The following MYO5A variants were observed in gnomAD, a reference collection of about 807,000 sequenced individuals.
MYO5A encodes the protein unconventional myosin-Va.
In MYO5A, 98 loss-of-function variants were observed where a neutral mutation model predicts 249.7. The observed-to-expected ratio is 0.39, with a 90% CI of 0.33 to 0.46. The LOEUF (loss-of-function observed/expected upper bound fraction) is 0.46, where lower values mean the gene tolerates loss of function less well. Among genes scored for constraint, MYO5A ranks in the 20% least tolerant of loss-of-function variants. The pLI is 0.98. For missense variants in MYO5A, 1,696 were observed against 2,308.8 expected, an observed-to-expected ratio of 0.73 and a Z score of 5.44; for synonymous variants, 778 against 810.6, an observed-to-expected ratio of 0.96 and a Z score of 0.68.
chr15:52,320,582 T>G (rs1047528646), intron 38 of MYO5A, among the ~76,000 whole-genome samples: 33 of 152,290 alleles, frequency 2.2e-4, no homozygotes, highest in African/African-American at 7.9e-4. Flanking sequence ...CAGCTTTTGA[T>G]GTCTCAAATA....
chr15:52,432,422 T>C (rs1265826164), intron 2 of MYO5A, among the ~76,000 whole-genome samples: 1 of 152,240 alleles, frequency 6.6e-6, no homozygotes, highest in Non-Finnish European at 1.5e-5. Context: ...CAACTGGTCA[T>C]GGCCAGCAAT....
intron 1 of MYO5A, chr15:52,435,601 T>C (rs1215373084): frequency 2.2e-6 from 1 of 452,996 alleles, no homozygotes; most frequent in Non-Finnish European, 4.4e-6. Flanking sequence ...TACTGACAAA[T>C]ATTTTCAAGC....
rs1189887273 is a variant in MYO5A at position 52,402,727 on chromosome 15, C to A, written c.1053+2560G>T. 2.6e-5 allele frequency among the ~76,000 whole-genome samples: 4 copies of A among 152,244 alleles called. No homozygotes were observed. The East Asian group carries it at 7.7e-4, about 29-fold the overall frequency. ...AGACACAGTGGCACACACCTGTAATCCCAGCTACTCGGGAGGCTGAGGCTG... is the reference window on the plus strand; with the variant it reads ...AGACACAGTGGCACACACCTGTAATACCAGCTACTCGGGAGGCTGAGGCTG... On this transcript the variant is annotated intron_variant, in intron 9 of 41. Coordinates refer to ENST00000399233, the MANE Select transcript of MYO5A (RefSeq NM_001382347.1).
At chr15:52,377,499 G>A (rs1263199776) in intron 18 of MYO5A, among the ~76,000 whole-genome samples, 1 of 151,136 alleles carries the variant, frequency 6.6e-6, no homozygotes, top group Non-Finnish European at 1.5e-5. Flanking sequence ...TTATCTAGAA[G>A]TATGCAAATC....
intron 10 of MYO5A, 74 bp from the exon 11 acceptor site, chr15:52,396,471 C>T: frequency 1.2e-6 from 1 of 839,886 alleles, no homozygotes; most frequent in Non-Finnish European, 1.9e-6. Flanking sequence ...AAAATATACA[C>T]ATTAGGAAGA....
chr15:52,352,601 G>GA (rs1172998772), intron 27 of MYO5A, among the ~76,000 whole-genome samples: 2 of 152,038 alleles, frequency 1.3e-5, no homozygotes. Flanking sequence ...CTAACATGGT[G>GA]AAACCCCGTC....
At chr15:52,405,043 T>C (rs1254515813) in intron 9 of MYO5A, among the ~76,000 whole-genome samples, 1 of 96,452 alleles carries the variant, frequency 1.0e-5, no homozygotes, top group Non-Finnish European at 2.2e-5. Context: ...TCTTTCTCTC[T>C]CTCTCTGTCA....
intron 20 of MYO5A, among the ~76,000 whole-genome samples, chr15:52,372,750 C>T (rs1217316019): frequency 1.3e-5 from 2 of 152,098 alleles, no homozygotes; most frequent in African/African-American, 4.8e-5. Context: ...TTTCTGTTGG[C>T]AACAGATGAT....
At chr15:52,319,862 C>T (rs1221615040) in intron 38 of MYO5A, among the ~76,000 whole-genome samples, 2 of 152,326 alleles carry the variant, frequency 1.3e-5, no homozygotes, top group East Asian at 3.9e-4. Flanking sequence ...TCTAAGTAAA[C>T]TTAATGGTGT....
Position 52,313,661 on chromosome 15 carries a change from G to T in MYO5A, c.*35C>A. 1 of 1,612,594 alleles carries T rather than the reference G, an allele frequency of 6.2e-7. No individual in the cohort carries two copies. The highest frequency in any genetic ancestry group is 1.1e-5 in the South Asian group (1 of 91,006). On this transcript the variant is annotated 3_prime_UTR_variant, in exon 42 of 42. Transcript: ENST00000399233. ...AATAATGGGTTCTTATTTCGGGCAA[G>T]AAATGTATTGTCAATTTTTGCCTGG... is the stretch of plus-strand genomic sequence containing the variant.
At chr15:52,323,898 G>T (rs1332009707) in intron 36 of MYO5A, 1 of 211,202 alleles carries the variant, frequency 4.7e-6, no homozygotes, top group Non-Finnish European at 9.5e-6. Context: ...CAGCAACTTG[G>T]GATGCTGAGG....
At chr15:52,348,091 C>T (rs550026349) in intron 29 of MYO5A, among the ~76,000 whole-genome samples, 19 of 152,318 alleles carry the variant, frequency 1.2e-4, no homozygotes, top group African/African-American at 3.8e-4. Flanking sequence ...ATGCTTCTCT[C>T]CTGGGTGGTA....
At chr15:52,484,210 G>A (rs1396807754) in intron 1 of MYO5A, among the ~76,000 whole-genome samples, 1 of 152,178 alleles carries the variant, frequency 6.6e-6, no homozygotes, top group South Asian at 2.1e-4. Flanking sequence ...CAAGTTGAAC[G>A]TATTACAGGT....
intron 24 of MYO5A, among the ~76,000 whole-genome samples, chr15:52,362,841 T>A (rs2040602476): frequency 1.3e-5 from 2 of 152,196 alleles, no homozygotes; most frequent in Admixed American, 6.5e-5. Context: ...AAGAGACCCA[T>A]GACCTCCTCA....
At chr15:52,371,473 T>C (rs764318900) in intron 21 of MYO5A, among the ~76,000 whole-genome samples, 4 of 152,226 alleles carry the variant, frequency 2.6e-5, no homozygotes, top group Non-Finnish European at 5.9e-5. Flanking sequence ...ATAATTTTGA[T>C]AGAGCATTGC....
At chr15:52,486,440 C>T (rs1475888770) in intron 1 of MYO5A, among the ~76,000 whole-genome samples, 2 of 152,206 alleles carry the variant, frequency 1.3e-5, no homozygotes, top group South Asian at 2.1e-4. Context: ...CTCTCCACTA[C>T]ACTGTATCTT....
At chr15:52,489,079 T>G (rs1480930759) in intron 1 of MYO5A, among the ~76,000 whole-genome samples, 2 of 152,078 alleles carry the variant, frequency 1.3e-5, no homozygotes, top group Non-Finnish European at 2.9e-5. Flanking sequence ...AGAATGAAGA[T>G]AAACCTTCCT....
At chr15:52,397,137 G>T in intron 10 of MYO5A, 64 bp downstream of exon 10, 1 of 1,571,382 alleles carries the variant, frequency 6.4e-7, no homozygotes. Context: ...TGCCCACTTA[G>T]AGTTACTAGA....
chr15:52,468,606 G>A (rs1223322582), intron 1 of MYO5A, among the ~76,000 whole-genome samples: 1 of 152,200 alleles, frequency 6.6e-6, no homozygotes, highest in East Asian at 1.9e-4. Context: ...GGAGTTCAAG[G>A]CTGTAGTGAT....
Sources: gnomAD v4.1 joint callset for allele counts (sites outside exome capture counted in the v4.1 genomes callset) on GRCh38, gnomAD v4.1.1 for gene constraint, MANE v1.5 for transcripts, NCBI Gene and HGNC (gene_info 2026-07-23, HGNC 2026-07-21) for gene names.